Variants in RSF1 observed in about 807,000 individuals in gnomAD.
RSF1 encodes remodeling and spacing factor 1, also known as HBV pX-associated protein 8.
RSF1 carries 13 observed loss-of-function variants against 145.2 expected under a neutral mutation model. The ratio of observed to expected loss-of-function variants is 0.09; its 90% confidence interval spans 0.06 to 0.14. The LOEUF is 0.14. RSF1 is among the 10% of genes least tolerant of loss of function. The pLI, the probability that RSF1 is intolerant of heterozygous loss-of-function variation, is 1.00. For missense variants in RSF1, 1,517 were observed against 1,718.2 expected (o/e 0.88, Z 2.07); for synonymous variants, 577 against 592.6 (o/e 0.97, Z 0.38).
At chr11:77,720,267 T>C (rs1298325771) in intron 5 of RSF1, among the ~76,000 whole-genome samples, 1 of 152,224 alleles carries the variant, frequency 6.6e-6, no homozygotes, top group Non-Finnish European at 1.5e-5. Context: ...AGTGCATGAC[T>C]GTAAAAATTT....
At chr11:77,680,694 T>C (rs750783924) in intron 11 of RSF1, among the ~76,000 whole-genome samples, 1 of 152,238 alleles carries the variant, frequency 6.6e-6, no homozygotes, top group South Asian at 2.1e-4. Flanking sequence ...GGCTGCATAG[T>C]ATCTCACCTT....
chr11:77,761,359 A>C (rs1308957644), intron 2 of RSF1, among the ~76,000 whole-genome samples: 1 of 151,812 alleles, frequency 6.6e-6, no homozygotes, highest in Non-Finnish European at 1.5e-5. Context: ...TGAAACACTT[A>C]CTACATTCAA....
At chr11:77,851,570 G>C in the RSF1 span, 2 of 152,030 alleles carry the variant, frequency 1.3e-5, no homozygotes, top group African/African-American at 4.8e-5. Flanking sequence ...GGGCTTGGTG[G>C]GAGGTAATTG....
intron 2 of RSF1, among the ~76,000 whole-genome samples, chr11:77,752,482 G>C (rs1442645402): frequency 6.6e-6 from 1 of 152,062 alleles, no homozygotes; most frequent in East Asian, 1.9e-4. Context: ...ATGTAGATTA[G>C]ACACCACCTC....
chr11:77,729,765 G>T (rs1961151495), intron 4 of RSF1, among the ~76,000 whole-genome samples: 1 of 151,654 alleles, frequency 6.6e-6, no homozygotes, highest in Non-Finnish European at 1.5e-5. Flanking sequence ...ATGGGACCAG[G>T]TCTTCACATC....
chr11:77,748,807 C>G (rs1451796505), intron 2 of RSF1, among the ~76,000 whole-genome samples: 2 of 152,132 alleles, frequency 1.3e-5, no homozygotes, highest in Non-Finnish European at 1.5e-5. Flanking sequence ...CCATTACACT[C>G]CTAAGTATTT....
chr11:77,694,304 C>T (rs1960232056), intron 7 of RSF1, among the ~76,000 whole-genome samples: 1 of 152,050 alleles, frequency 6.6e-6, no homozygotes, highest in Admixed American at 6.6e-5. Flanking sequence ...TTTTAAATAG[C>T]ATTTCAATTA....
intron 15 of RSF1, among the ~76,000 whole-genome samples, chr11:77,670,525 T>C (rs1319575429): frequency 3.3e-5 from 5 of 152,208 alleles, no homozygotes; most frequent in South Asian, 2.1e-4. Flanking sequence ...TCTTGTTTAT[T>C]GTCACCTTCT....
At chr11:77,820,854 T>C, upstream of RSF1, 1 of 848,624 alleles carries the variant, frequency 1.2e-6, no homozygotes, top group South Asian at 1.8e-5. Context: ...CAGGGACGGC[T>C]CCGCGATCCC....
intron 1 of RSF1, chr11:77,813,519 G>T: frequency 1.3e-6 from 1 of 784,562 alleles, no homozygotes; most frequent in South Asian, 1.4e-5. Context: ...TATTCGAACT[G>T]GTCCTTTCAC....
In RSF1 at chr11:77,665,875, C is replaced by T. The variant is rs1296795404; in HGVS notation, c.*1042G>A. ...TTCAATTTGAAGTAGATACTAAGGG[C>T]AAGAATAGACCAGTTAAAATTCACC... On this transcript the variant is annotated 3_prime_UTR_variant, in exon 16 of 16. Coordinates refer to ENST00000308488, the MANE Select transcript of RSF1 (RefSeq NM_016578.4). The T allele has an allele frequency of 2.0e-5, 3 of 152,150 alleles. No individual in the cohort carries two copies. The highest frequency in any genetic ancestry group is 2.9e-5 in the Non-Finnish European group (2 of 68,038). 9.4% of individuals were successfully genotyped at this position (152,150 alleles called of 1,614,324 possible). A position where few individuals can be genotyped will look rare whatever the true frequency, so the allele number is the denominator to read the frequency against.
chr11:77,846,709 A>G, the RSF1 span, among the ~76,000 whole-genome samples: 2 of 152,186 alleles, frequency 1.3e-5, no homozygotes, highest in South Asian at 4.1e-4. Context: ...TACATCTCAT[A>G]AAAAGAAATT....
At chr11:77,684,232 C>T (rs971604277) in intron 10 of RSF1, among the ~76,000 whole-genome samples, 7 of 152,044 alleles carry the variant, frequency 4.6e-5, no homozygotes, top group African/African-American at 9.7e-5. Context: ...TTAATTAAGC[C>T]GGAATGAAAT....
At chr11:77,806,816 A>G (rs1239840157) in intron 1 of RSF1, among the ~76,000 whole-genome samples, 2 of 152,220 alleles carry the variant, frequency 1.3e-5, no homozygotes, top group Admixed American at 1.3e-4. Flanking sequence ...AGAATTCAGT[A>G]ATGTATATCT....
chr11:77,674,660 T>C (rs1385797733), intron 14 of RSF1, among the ~76,000 whole-genome samples: 1 of 152,178 alleles, frequency 6.6e-6, no homozygotes, highest in Non-Finnish European at 1.5e-5. Context: ...CAGAAATAAG[T>C]CTTAAGAACA....
chr11:77,782,044 TGA>T (rs1948409496), intron 1 of RSF1, among the ~76,000 whole-genome samples: 1 of 152,252 alleles, frequency 6.6e-6, no homozygotes, highest in Admixed American at 6.5e-5. Context: ...TTTCTTATGA[TGA>T]GTTTTGAGTA....
At chr11:77,811,350 T>C (rs557357569) in intron 1 of RSF1, among the ~76,000 whole-genome samples, 41 of 152,332 alleles carry the variant, frequency 2.7e-4, no homozygotes, top group African/African-American at 8.4e-4. Context: ...TACCCACCAA[T>C]TGCTGGTGAT....
At chr11:77,842,770 A>G in the RSF1 span, 2 of 1,177,878 alleles carry the variant, frequency 1.7e-6, no homozygotes. Flanking sequence ...TCACCCTTTT[A>G]AAGTATGCAA....
chr11:77,780,824 C>CAA (rs33925149), intron 1 of RSF1, among the ~76,000 whole-genome samples: 37,252 of 127,178 alleles, frequency 0.29, 5,870 homozygotes, highest in South Asian at 0.51. Context: ...GACTCCGTCT[C>CAA]AAAAAAAAAA....
Sources: allele counts gnomAD v4.1 joint callset (sites outside exome capture counted in the v4.1 genomes callset), GRCh38; gene constraint gnomAD v4.1.1; transcripts MANE v1.5; gene names NCBI Gene and HGNC (gene_info 2026-07-23, HGNC 2026-07-21).